CTSH: variants seen among roughly 807,000 people sequenced by gnomAD.
The protein encoded by CTSH is pro-cathepsin H.
Under a neutral mutation model 56.3 loss-of-function variants are expected in CTSH, and 52 were observed. That is an observed-to-expected ratio of 0.92 (90% CI 0.74 to 1.16). The LOEUF is 1.16. Among genes scored for constraint, CTSH ranks in the 50% most tolerant of loss-of-function variants. The pLI is 0.00. For missense variants in CTSH, 406 were observed against 424.5 expected (o/e 0.96, Z 0.38); for synonymous variants, 174 against 155.7 (o/e 1.12, Z -0.88).
chr15:78,925,242 G>T, intron 10 of CTSH, 92 bp downstream of exon 10: 1 of 786,536 alleles, frequency 1.3e-6, no homozygotes, highest in East Asian at 2.6e-5. Flanking sequence ...ACAGGAGTCT[G>T]GGCCACGAGC....
At chr15:78,931,157 C>A (rs1438859744) in intron 7 of CTSH, among the ~76,000 whole-genome samples, 3 of 152,150 alleles carry the variant, frequency 2.0e-5, no homozygotes, top group Middle Eastern at 3.4e-3. Context: ...CTATTAAATT[C>A]TTTTGGCCAC....
intron 10 of CTSH, 139 bp downstream of exon 10, chr15:78,925,195 G>T: frequency 1.7e-6 from 1 of 600,170 alleles, no homozygotes; most frequent in Non-Finnish European, 3.0e-6. Context: ...TGTGCAAAAC[G>T]CCCAGCACCT....
chr15:78,928,191 G>GGAGAGAAGGCAC (rs74275714), intron 8 of CTSH, among the ~76,000 whole-genome samples: 17,708 of 152,092 alleles, frequency 0.12, 1,157 homozygotes, highest in Middle Eastern at 0.2. Context: ...AGAGAAGGCA[G>GGAGAGAAGGCAC]CAGGACAAGG....
At position 78,924,332 on chromosome 15, in the gene CTSH, G is replaced by A. The variant is rs540123862; in HGVS notation, c.806+1002C>T. On this transcript the variant is annotated intron_variant, in intron 10 of 11. Coordinates refer to ENST00000220166, the MANE Select transcript of CTSH (RefSeq NM_004390.5). The stretch of plus-strand genomic sequence containing the variant: ...GACACTGGTGTGTTCAAAGGTTGGC[G>A]TTGGCAAGAGGAGTGTTTCAGAAGG... 5.3e-5 allele frequency among the ~76,000 whole-genome samples: 8 copies of A among 152,282 alleles called. No individual in the cohort carries two copies. The South Asian group carries it at 1.4e-3, about 28-fold the overall frequency.
At chr15:78,932,045 G>A in intron 6 of CTSH, 1 of 1,214,028 alleles carries the variant, frequency 8.2e-7, no homozygotes, top group Non-Finnish European at 1.0e-6. Flanking sequence ...GAGGCTGCTG[G>A]GAAGGGTGTA....
At chr15:78,926,518 C>T (rs1233477883) in intron 9 of CTSH, 2 of 152,290 alleles carry the variant, frequency 1.3e-5, no homozygotes, top group African/African-American at 4.8e-5. Flanking sequence ...CAATGAGGCT[C>T]TCCTGGGGAC....
At chr15:78,942,512 C>A (rs929815710) in intron 1 of CTSH, among the ~76,000 whole-genome samples, 8 of 152,196 alleles carry the variant, frequency 5.3e-5, no homozygotes, top group African/African-American at 1.9e-4. Flanking sequence ...CACGCCTGGC[C>A]TCACTCAACA....
At position 78,937,609 on chromosome 15, in the gene CTSH, G is replaced by A. The variant is rs182933903; in HGVS notation, c.124-186C>T. Reference sequence around the variant, plus strand: ...AAGTTACAAAACAACCCCGTTTTCAGGGACCTGTGGCCAGAATGAAGACCA... The same window carrying A: ...AAGTTACAAAACAACCCCGTTTTCAAGGACCTGTGGCCAGAATGAAGACCA... On this transcript the variant is annotated intron_variant, in intron 2 of 11. Transcript: ENST00000220166. The A allele has an allele frequency of 1.1e-3, 1,607 of 1,404,350 alleles. 22 individuals carry two copies. The African/African-American group carries it at 0.02, about 17-fold the overall frequency. The allele number at this position is 1,404,350 out of a possible 1,614,324, so 87.0% of individuals were successfully genotyped here.
chr15:78,923,581 AC>A (rs1051667386), intron 10 of CTSH, among the ~76,000 whole-genome samples: 3 of 151,996 alleles, frequency 2.0e-5, no homozygotes, highest in African/African-American at 7.3e-5. Flanking sequence ...GAGCCACCGC[AC>A]CCGGCCCTTT....
chr15:78,939,264 C>T lies in CTSH; in HGVS notation c.92-93G>A, dbSNP rs192046621. 410 of 993,358 alleles carry T rather than the reference C, an allele frequency of 4.1e-4. 1 individual carries two copies. Among genetic ancestry groups the T allele is most frequent in the Non-Finnish European group, 5.5e-4 (367 of 669,080 alleles). The allele number at this position is 993,358 out of a possible 1,614,324, so 61.5% of individuals were successfully genotyped here. On this transcript the variant is annotated intron_variant, in intron 1 of 11. Coordinates refer to ENST00000220166, the MANE Select transcript of CTSH (RefSeq NM_004390.5). ...GCACTTTAGAACTGATTTGCATTTTCGAAAACTGGACTAAATTTAAAACAC... is the reference window on the plus strand; with the variant it reads ...GCACTTTAGAACTGATTTGCATTTTTGAAAACTGGACTAAATTTAAAACAC...
intron 6 of CTSH, chr15:78,932,171 C>A: frequency 2.1e-6 from 2 of 937,942 alleles, no homozygotes; most frequent in Admixed American, 5.9e-5. Context: ...AGCCCTTGGG[C>A]CGGTTCCTTA....
chr15:78,923,190 GC>G, intron 10 of CTSH, 72 bp from the exon 11 acceptor site: 10 of 1,551,100 alleles, frequency 6.4e-6, no homozygotes, highest in Non-Finnish European at 8.8e-6. Flanking sequence ...ATCCAACAAC[GC>G]CTCTTTGAGC....
At chr15:78,944,855 G>C (rs758999396) in intron 1 of CTSH, 36 bp downstream of exon 1, 1 of 1,540,756 alleles carries the variant, frequency 6.5e-7, no homozygotes. Flanking sequence ...TCTAGGGCCT[G>C]CTAGCACCCT....
chr15:78,935,968 A>C (rs911441488), intron 3 of CTSH, among the ~76,000 whole-genome samples: 2 of 152,072 alleles, frequency 1.3e-5, no homozygotes, highest in Non-Finnish European at 2.9e-5. Context: ...AATGGTATAG[A>C]TGTCCGGGCC....
rs2054778691 is a variant in CTSH at position 78,921,973 on chromosome 15, T to C, written c.*157A>G. ...GGTGAGCTCATGGTGGAACTCCTCC[T>C]TGTCTGTAGGTTTCCAGGCTGGGCA... On this transcript the variant is annotated 3_prime_UTR_variant, in exon 12 of 12. Coordinates refer to ENST00000220166, the MANE Select transcript of CTSH (RefSeq NM_004390.5). The C allele has an allele frequency of 1.5e-6, 1 of 647,734 alleles. No homozygotes were observed. The highest frequency in any genetic ancestry group is 2.7e-6 in the Non-Finnish European group (1 of 374,092). 40.1% of individuals were successfully genotyped at this position (647,734 alleles called of 1,614,324 possible). A position where few individuals can be genotyped will look rare whatever the true frequency, so the allele number is the denominator to read the frequency against.
intron 8 of CTSH, 83 bp downstream of exon 8, chr15:78,929,329 A>G: frequency 9.6e-7 from 1 of 1,038,892 alleles, no homozygotes; most frequent in Non-Finnish European, 1.5e-6. Flanking sequence ...TGGGGGGAGA[A>G]GGGATGTCTT....
At chr15:78,925,132 A>T (rs145251605) in intron 10 of CTSH, among the ~76,000 whole-genome samples, 1 of 152,272 alleles carries the variant, frequency 6.6e-6, no homozygotes, top group African/African-American at 2.4e-5. Flanking sequence ...CTTTGCTGTG[A>T]GAAGAGGCCA....
At chr15:78,922,928 G>A (rs879814460) in intron 11 of CTSH, 65 bp downstream of exon 11, 11 of 1,532,934 alleles carry the variant, frequency 7.2e-6, no homozygotes, top group African/African-American at 1.4e-5. Context: ...TGGAAGTGAT[G>A]CCCCCAGGGC....
intron 10 of CTSH, among the ~76,000 whole-genome samples, chr15:78,924,461 C>CGTGAGTGACATTA (rs1467874109): frequency 5.9e-5 from 9 of 152,066 alleles, no homozygotes; most frequent in African/African-American, 2.2e-4. Context: ...AGAGCACAGA[C>CGTGAGTGACATTA]GTGAGTGACA....
Sources: gnomAD v4.1 joint callset for allele counts (sites outside exome capture counted in the v4.1 genomes callset) on GRCh38, gnomAD v4.1.1 for gene constraint, MANE v1.5 for transcripts, NCBI Gene and HGNC (gene_info 2026-07-23, HGNC 2026-07-21) for gene names.